Variants in STON1 observed in about 807,000 individuals in gnomAD.
STON1 encodes stonin-1.
In STON1, 79 loss-of-function variants were observed where a neutral mutation model predicts 60.9. The ratio of observed to expected loss-of-function variants is 1.30; its 90% CI spans 1.08 to 1.56. The LOEUF (loss-of-function observed/expected upper bound fraction) is 1.56, where lower values mean the gene tolerates loss of function less well. STON1 is among the 40% of genes most tolerant of loss of function. The pLI is 0.00. For missense variants in STON1, 1,166 were observed against 858.9 expected (o/e 1.36, Z -4.47); for synonymous variants, 363 against 306.9 (o/e 1.18, Z -1.91).
At chr2:48,578,737 C>G (rs1180207882) in intron 1 of STON1, among the ~76,000 whole-genome samples, 2 of 151,644 alleles carry the variant, frequency 1.3e-5, no homozygotes, top group Non-Finnish European at 2.9e-5. Flanking sequence ...TGGGCAGGTA[C>G]CCACCACCAT....
chr2:48,566,797 G>A (rs1214611736), intron 1 of STON1, among the ~76,000 whole-genome samples: 2 of 152,194 alleles, frequency 1.3e-5, no homozygotes, highest in Non-Finnish European at 2.9e-5. Context: ...AGGCAGCCTT[G>A]CGTTTTCTCA....
intron 3 of STON1, among the ~76,000 whole-genome samples, chr2:48,594,643 A>C (rs1674699351): frequency 6.6e-6 from 1 of 152,190 alleles, no homozygotes; most frequent in Admixed American, 6.5e-5. Flanking sequence ...ATAGAGAGTG[A>C]CTGGAGGGCT....
intron 1 of STON1, among the ~76,000 whole-genome samples, chr2:48,548,975 G>C (rs1671981055): frequency 6.6e-6 from 1 of 152,190 alleles, no homozygotes; most frequent in Non-Finnish European, 1.5e-5. Context: ...GCCCAGAGAA[G>C]TTAGTGACTT....
chr2:48,544,389 A>C (rs765359313), intron 1 of STON1, among the ~76,000 whole-genome samples: 10 of 152,230 alleles, frequency 6.6e-5, no homozygotes, highest in Non-Finnish European at 1.3e-4. Flanking sequence ...GATCTAATTT[A>C]AAACAGCTAT....
chr2:48,559,123 G>A (rs2103820144), intron 1 of STON1, among the ~76,000 whole-genome samples: 1 of 152,272 alleles, frequency 6.6e-6, no homozygotes, highest in South Asian at 2.1e-4. Context: ...TTTTAGATAA[G>A]GGATATTCAA....
intron 1 of STON1, among the ~76,000 whole-genome samples, chr2:48,567,870 C>G (rs1001808834): frequency 2.1e-5 from 3 of 144,324 alleles, no homozygotes; most frequent in Non-Finnish European, 3.0e-5. Context: ...CAAAAACAGA[C>G]TGAGGGTTTG....
chr2:48,541,377 A>T (rs112779627), intron 1 of STON1, among the ~76,000 whole-genome samples: 1 of 151,028 alleles, frequency 6.6e-6, no homozygotes, highest in South Asian at 2.1e-4. Context: ...ATTTTCTTAT[A>T]TGTAAAATAG....
At chr2:48,579,513 A>G (rs931287453) in intron 1 of STON1, among the ~76,000 whole-genome samples, 4 of 152,190 alleles carry the variant, frequency 2.6e-5, no homozygotes, top group East Asian at 1.9e-4. Flanking sequence ...ATTTTCAAAT[A>G]TTTGTGAATT....
intron 1 of STON1, among the ~76,000 whole-genome samples, chr2:48,535,924 C>T (rs1671408028): frequency 6.6e-6 from 1 of 151,604 alleles, no homozygotes; most frequent in South Asian, 2.1e-4. Flanking sequence ...CCTGCCTCTA[C>T]AAAAAATATA....
chr2:48,592,723 A>C (rs1051322671), intron 3 of STON1, among the ~76,000 whole-genome samples: 1 of 151,822 alleles, frequency 6.6e-6, no homozygotes, highest in African/African-American at 2.4e-5. Context: ...GGCCTCCCCA[A>C]GTGCTGGGAT....
At chr2:48,532,234 A>G (rs1671240891) in intron 1 of STON1, among the ~76,000 whole-genome samples, 1 of 152,020 alleles carries the variant, frequency 6.6e-6, no homozygotes, top group Non-Finnish European at 1.5e-5. Flanking sequence ...TGTAATTCCC[A>G]GCTACTTGGG....
chr2:48,557,759 G>A lies in STON1; in HGVS notation c.-47-22828G>A, dbSNP rs552198016. On this transcript the variant is annotated intron_variant, in intron 1 of 3. Coordinates refer to ENST00000404752, the MANE Select transcript of STON1 (RefSeq NM_006873.4). Reference sequence around the variant, plus strand: ...GCAAAATTTTTTGTTAAAGCCTTTGGTAGTCTTTGAAATTCAATAAAGTTC... The same window carrying A: ...GCAAAATTTTTTGTTAAAGCCTTTGATAGTCTTTGAAATTCAATAAAGTTC... Among the ~76,000 whole-genome samples, 3 of 152,346 alleles carry A rather than the reference G, an allele frequency of 2.0e-5. No homozygotes were observed. The South Asian group carries it at 6.2e-4, about 32-fold the overall frequency.
intron 2 of STON1, among the ~76,000 whole-genome samples, chr2:48,587,469 T>A (rs1003875070): frequency 1.3e-5 from 2 of 152,040 alleles, no homozygotes; most frequent in African/African-American, 4.8e-5. Context: ...ATTTTCGTGT[T>A]TTTAGTAGAG....
intron 1 of STON1, among the ~76,000 whole-genome samples, chr2:48,577,337 C>A (rs568421576): frequency 3.3e-5 from 5 of 152,074 alleles, no homozygotes; most frequent in African/African-American, 1.2e-4. Flanking sequence ...AATCCCAGCA[C>A]TTTGGGAGGC....
chr2:48,563,541 C>T (rs1468195924), intron 1 of STON1, among the ~76,000 whole-genome samples: 1 of 152,196 alleles, frequency 6.6e-6, no homozygotes, highest in Non-Finnish European at 1.5e-5. Context: ...ATGGTCATAG[C>T]AGACAGTGGG....
intron 2 of STON1, among the ~76,000 whole-genome samples, chr2:48,586,453 G>A (rs1674210763): frequency 6.6e-6 from 1 of 152,184 alleles, no homozygotes; most frequent in South Asian, 2.1e-4. Context: ...TCCAGGCTTG[G>A]ACAAACATAT....
chr2:48,558,419 G>A (rs1018144304), intron 1 of STON1, among the ~76,000 whole-genome samples: 4 of 152,190 alleles, frequency 2.6e-5, no homozygotes, highest in African/African-American at 9.7e-5. Flanking sequence ...AGGTGAGCAT[G>A]ATGGTCAGCA....
At chr2:48,584,040 T>A (rs1176928421) in intron 2 of STON1, among the ~76,000 whole-genome samples, 2 of 152,154 alleles carry the variant, frequency 1.3e-5, no homozygotes, top group Non-Finnish European at 1.5e-5. Context: ...TGAGCCACTG[T>A]GCCCGGCCCA....
intron 1 of STON1, among the ~76,000 whole-genome samples, chr2:48,532,421 A>G (rs1572916531): frequency 9.2e-6 from 1 of 108,908 alleles, no homozygotes; most frequent in South Asian, 3.6e-4. Context: ...TGTGACTTCC[A>G]TTCAAAAAGT....
Sources: allele counts gnomAD v4.1 joint callset (sites outside exome capture counted in the v4.1 genomes callset), GRCh38; gene constraint gnomAD v4.1.1; transcripts MANE v1.5; gene names NCBI Gene and HGNC (gene_info 2026-07-23, HGNC 2026-07-21).